PHKA1: variants seen among roughly 807,000 people sequenced by gnomAD.
PHKA1 encodes phosphorylase b kinase regulatory subunit alpha, skeletal muscle isoform.
PHKA1 carries 60 observed loss-of-function variants against 110.2 expected under a neutral mutation model. That is an observed-to-expected ratio of 0.54 (90% CI 0.44 to 0.68). The LOEUF is 0.68. PHKA1 is among the 30% of genes least tolerant of loss of function. PHKA1 has a pLI of 0.00. For missense variants in PHKA1, 801 were observed against 942.5 expected (o/e 0.85, Z 1.97); for synonymous variants, 316 against 333.6 (o/e 0.95, Z 0.58).
chrX:72,667,459 T>C lies in PHKA1; in HGVS notation c.633A>G (p.Ala211=). Residue 211 remains alanine (A), a synonymous_variant, in exon 7 of 32, where the codon GCA becomes GCG. Coordinates refer to ENST00000373542, the MANE Select transcript of PHKA1 (RefSeq NM_002637.4). ...SVGMAKAALE[A]LDELDLFGVK... ...CACCAAACAGATCCAGTTCATCTAA[T>C]GCTTCCAGGGCTGCCTGTGAGGAAC... 1 of 1,206,587 alleles carries C rather than the reference T, an allele frequency of 8.3e-7. No homozygotes were observed.
At chrX:72,659,946 C>T (rs1229473111) in intron 8 of PHKA1, among the ~76,000 whole-genome samples, 2 of 112,188 alleles carry the variant, frequency 1.8e-5, no homozygotes, top group African/African-American at 6.5e-5. Context: ...ATGGCCAGCC[C>T]ACAGGCTGTA....
chrX:72,664,654 T>C lies in PHKA1; in HGVS notation c.864+1497A>G, dbSNP rs782273229. ...TTAGCACATGGAACATTCTCCAGGA[T>C]TGATCATATGTTAGGTGATAAAACA... On this transcript the variant is annotated intron_variant, in intron 8 of 31. Transcript: ENST00000373542. Among the ~76,000 whole-genome samples, 91 of 111,767 alleles carry C rather than the reference T, an allele frequency of 8.1e-4. 1 individual carries two copies. The highest frequency in any genetic ancestry group is 2.7e-3 in the African/African-American group (82 of 30,873).
Position 72,581,088 on chromosome X carries a change from T to C in PHKA1, c.3586A>G (p.Arg1196Gly). 1 of 1,199,250 alleles carries C rather than the reference T, an allele frequency of 8.3e-7. No individual in the cohort carries two copies. The highest frequency in any genetic ancestry group is 2.3e-4 in the Middle Eastern group (1 of 4,319). ...GAGAGGTAGGTCATGGTGCCAAACC[T>C]GCCACTGGGTGCACTGTCATACAGA... ...TLLYDSAPSG[R>G]FGTMTYLSKA... The change falls in exon 32 of 32, where the codon AGG (arginine) becomes GGG (glycine). Residue 1196 changes from arginine to glycine, a missense_variant. Coordinates refer to ENST00000373542, the MANE Select transcript of PHKA1 (RefSeq NM_002637.4).
At chrX:72,597,755 C>T (rs782373672) in intron 28 of PHKA1, among the ~76,000 whole-genome samples, 7 of 111,521 alleles carry the variant, frequency 6.3e-5, no homozygotes, top group African/African-American at 9.8e-5. Flanking sequence ...GCATCTTGTA[C>T]CCTTTAGGTG....
Position 72,580,915 on chromosome X carries a change from T to G in PHKA1, c.*87A>C. 1.2e-6 allele frequency: 1 copy of G among 860,256 alleles called. No homozygotes were observed. Among genetic ancestry groups the G allele is most frequent in the Non-Finnish European group, 1.7e-6 (1 of 590,341 alleles). 70.9% of individuals were successfully genotyped at this position (860,256 alleles called of 1,213,427 possible). On this transcript the variant is annotated 3_prime_UTR_variant, in exon 32 of 32. Coordinates refer to ENST00000373542, the MANE Select transcript of PHKA1 (RefSeq NM_002637.4). Reference sequence around the variant, plus strand: ...CAGAAAGGGGCAGGGTTGGAGTGATTAGGCAATAACATTTTAGTTCCATGC... The same window carrying G: ...CAGAAAGGGGCAGGGTTGGAGTGATGAGGCAATAACATTTTAGTTCCATGC...
chrX:72,674,410 T>G (rs2053749830), intron 6 of PHKA1, among the ~76,000 whole-genome samples: 1 of 111,098 alleles, frequency 9.0e-6, no homozygotes, highest in Non-Finnish European at 1.9e-5. Context: ...TGAACTAGTT[T>G]ACAGTCCCAC....
chrX:72,599,232 G>C (rs1299971092), intron 28 of PHKA1, among the ~76,000 whole-genome samples: 2 of 111,272 alleles, frequency 1.8e-5, no homozygotes, highest in African/African-American at 3.3e-5. Flanking sequence ...TCCATTTTTT[G>C]TTTGGTAATT....
At chrX:72,648,402 A>T (rs2053386812) in intron 13 of PHKA1, among the ~76,000 whole-genome samples, 1 of 111,551 alleles carries the variant, frequency 9.0e-6, no homozygotes, top group African/African-American at 3.3e-5. Context: ...GCCAAGAATT[A>T]GGCTGAAAAA....
intron 3 of PHKA1, among the ~76,000 whole-genome samples, chrX:72,703,081 G>A (rs1175259926): frequency 7.2e-5 from 8 of 111,218 alleles, no homozygotes; most frequent in Admixed American, 6.7e-4. Context: ...ATAAAACTAA[G>A]TTGTGCCCCA....
At chrX:72,657,216 C>T (rs1180882470) in intron 9 of PHKA1, among the ~76,000 whole-genome samples, 1 of 112,345 alleles carries the variant, frequency 8.9e-6, no homozygotes, top group Admixed American at 9.4e-5. Context: ...GAAAGATCTA[C>T]TGATGGAAAG....
intron 6 of PHKA1, among the ~76,000 whole-genome samples, chrX:72,667,770 T>A (rs1177607419): frequency 9.0e-6 from 1 of 111,590 alleles, no homozygotes; most frequent in Non-Finnish European, 1.9e-5. Context: ...ATAAATGAGA[T>A]ATTATGTTTT....
At chrX:72,669,970 T>G (rs1333352558) in intron 6 of PHKA1, among the ~76,000 whole-genome samples, 10 of 111,162 alleles carry the variant, frequency 9.0e-5, no homozygotes, top group African/African-American at 3.3e-4. Flanking sequence ...ACTTCCACAA[T>G]GGTTGAACTA....
rs142920598 is a variant in PHKA1, at chrX:72,712,931, C to T, written c.85G>A (p.Val29Met). The stretch of plus-strand genomic sequence containing the variant: ...TAGCTGGCTGGAAGCAAGCCAGTCA[C>T]TGGATTCTGCAAGGTCAAGAAAAAG... Reference protein sequence around the residue: ...QQTILCHQNPVTGLLPASYDQ... With the variant: ...QQTILCHQNPMTGLLPASYDQ... Residue 29 changes from valine to methionine, a missense_variant, in exon 2 of 32, where the codon GTG (valine) becomes ATG (methionine). By Grantham distance (21) the Val-to-Met change is conservative. Coordinates refer to ENST00000373542, the MANE Select transcript of PHKA1 (RefSeq NM_002637.4). The T allele has an allele frequency of 2.5e-6, 3 of 1,211,298 alleles. No individual in the cohort carries two copies. The highest frequency in any genetic ancestry group is 1.7e-5 in the African/African-American group (1 of 57,722).
At chrX:72,657,741 T>C (rs981336013) in intron 8 of PHKA1, 100 bp from the exon 9 acceptor site, 13 of 646,953 alleles carry the variant, frequency 2.0e-5, no homozygotes, top group South Asian at 7.8e-5. Context: ...ACCACCAACC[T>C]ATCACCGATA....
chrX:72,661,743 CAAAA>C (rs782779792), intron 8 of PHKA1, among the ~76,000 whole-genome samples: 1 of 33,112 alleles, frequency 3.0e-5, no homozygotes. Context: ...AATGTACTGA[CAAAA>C]AAAAAAAAAA....
chrX:72,710,844 TTTTTTTTA>T (rs1323535844), intron 2 of PHKA1, among the ~76,000 whole-genome samples: 6 of 107,334 alleles, frequency 5.6e-5, no homozygotes, highest in African/African-American at 1.7e-4. Context: ...TTTTTTATTT[TTTTTTTTA>T]TTTTTATTTT....
At chrX:72,669,906 T>A (rs1453260796) in intron 6 of PHKA1, among the ~76,000 whole-genome samples, 1 of 110,740 alleles carries the variant, frequency 9.0e-6, no homozygotes, top group African/African-American at 3.3e-5. Context: ...AGTAATGGGA[T>A]GGCTGGGTCA....
At chrX:72,599,766 A>T (rs782298136) in intron 28 of PHKA1, 1 of 502,662 alleles carries the variant, frequency 2.0e-6, no homozygotes, top group Middle Eastern at 3.3e-4. Flanking sequence ...ATATAAGAGC[A>T]TATTCAAAGC....
intron 23 of PHKA1, among the ~76,000 whole-genome samples, chrX:72,608,799 GT>G (rs781825810): frequency 3.6e-5 from 4 of 110,297 alleles, no homozygotes; most frequent in Non-Finnish European, 7.6e-5. Context: ...ATTGACAAAA[GT>G]TTTTTTTTAA....
Sources: gnomAD v4.1 joint callset for allele counts (sites outside exome capture counted in the v4.1 genomes callset) on GRCh38, gnomAD v4.1.1 for gene constraint, MANE v1.5 for transcripts, NCBI Gene and HGNC (gene_info 2026-07-23, HGNC 2026-07-21) for gene names.